The following LTA4H variants were observed in gnomAD, a reference collection of about 807,000 sequenced individuals.
LTA4H encodes leukotriene A-4 hydrolase.
A neutral mutation model predicts 89.8 loss-of-function variants in LTA4H; 59 were observed. That is an observed-to-expected ratio of 0.66 (90% CI 0.53 to 0.82). The LOEUF (loss-of-function observed/expected upper bound fraction) is 0.82, where lower values mean the gene tolerates loss of function less well. Ranked by LOEUF, LTA4H falls within the 40% of genes least tolerant of loss-of-function variation. The pLI, the probability that LTA4H is intolerant of heterozygous loss-of-function variation, is 0.00. For missense variants in LTA4H, 617 were observed against 727.0 expected, an observed-to-expected ratio of 0.85 and a Z score of 1.74; for synonymous variants, 227 against 253.1, an observed-to-expected ratio of 0.90 and a Z score of 0.98.
At chr12:96,023,740 A>G (rs1022662726) in intron 4 of LTA4H, among the ~76,000 whole-genome samples, 1 of 152,220 alleles carries the variant, frequency 6.6e-6, no homozygotes, top group African/African-American at 2.4e-5. Flanking sequence ...TACCAAGGGA[A>G]TAAGTTGGAA....
intron 15 of LTA4H, among the ~76,000 whole-genome samples, chr12:96,007,166 C>T (rs949214765): frequency 1.3e-5 from 2 of 152,134 alleles, no homozygotes; most frequent in Non-Finnish European, 2.9e-5. Flanking sequence ...TATATCCTTC[C>T]ACTAAATTTA....
chr12:96,040,099 G>A (rs1950677164), upstream of LTA4H, among the ~76,000 whole-genome samples: 1 of 152,250 alleles, frequency 6.6e-6, no homozygotes, highest in South Asian at 2.1e-4. Context: ...GGATTTGAAG[G>A]ATGAGCCGAA....
chr12:96,035,960 C>A (rs181939163), upstream of LTA4H, among the ~76,000 whole-genome samples: 2 of 152,062 alleles, frequency 1.3e-5, no homozygotes, highest in Non-Finnish European at 2.9e-5. Flanking sequence ...TTGCATATAG[C>A]GAGGGCGGGG....
chr12:96,035,428 G>A lies in LTA4H; in HGVS notation c.92C>T (p.Thr31Ile). 1.2e-6 allele frequency: 2 copies of A among 1,610,768 alleles called. No homozygotes were observed. The highest frequency in any genetic ancestry group is 2.2e-5 in the East Asian group (1 of 44,702). The stretch of plus-strand genomic sequence containing the variant: ...AGCAGTCCCGGTCAGCGTCCGGCGA[G>A]TAAAGTCGACGCTGCAGCGCAGGTG... ...HLHLRCSVDFTRRTLTGTAAL... is the reference protein window; with the variant it reads ...HLHLRCSVDFIRRTLTGTAAL... The change falls in exon 1 of 19, where the codon ACT becomes ATT. Residue 31 changes from threonine (T) to isoleucine (I), a missense_variant. By Grantham distance (89) the Thr-to-Ile change is moderately conservative. Coordinates refer to ENST00000228740, the MANE Select transcript of LTA4H (RefSeq NM_000895.3).
chr12:96,035,272 T>C, intron 1 of LTA4H, 89 bp downstream of exon 1: 1 of 1,363,270 alleles, frequency 7.3e-7, no homozygotes, highest in Non-Finnish European at 9.9e-7. Flanking sequence ...CGCGGCGGGG[T>C]GAGCCGGAGA....
chr12:96,024,053 C>A (rs915470024), intron 4 of LTA4H, among the ~76,000 whole-genome samples: 16 of 151,928 alleles, frequency 1.1e-4, no homozygotes, highest in African/African-American at 3.9e-4. Flanking sequence ...CCTCAGCCTG[C>A]CGAGTAGCTG....
Position 96,022,545 on chromosome 12 carries a change from T to C in LTA4H, c.481-294A>G, listed in dbSNP as rs543830367. Among the ~76,000 whole-genome samples, 1 of 152,218 alleles carries C rather than the reference T, an allele frequency of 6.6e-6. No individual in the cohort carries two copies. The highest frequency in any genetic ancestry group is 2.1e-4 in the South Asian group (1 of 4,828). On this transcript the variant is annotated intron_variant, in intron 4 of 18. Coordinates refer to ENST00000228740, the MANE Select transcript of LTA4H (RefSeq NM_000895.3). This position sits in a 1 kb window ranked among gnomAD's most constrained non-coding sequence, Gnocchi z 4.0. ...TCAGTTTTGTAAATAAAATTAGCAA[T>C]ATGGGAAACTGGCTTCTTTAAAAGT...
At position 96,019,174 on chromosome 12, in the gene LTA4H, A is replaced by C; in HGVS notation, c.705T>G (p.Phe235Leu). Residue 235 changes from phenylalanine to leucine, a missense_variant, in exon 7 of 19, where the codon TTT becomes TTG. This residue lies in a region of LTA4H where 172 missense variants were observed against 244.5 expected (regional missense o/e 0.70). Coordinates refer to ENST00000228740, the MANE Select transcript of LTA4H (RefSeq NM_000895.3). ...KEQVEKSAYE[F>L]SETESMLKIA... ...GGATAACTAAATGACCAACCTCAGA[A>C]AACTCATAAGCAGACTTTTCCACCT... 6.2e-7 allele frequency: 1 copy of C among 1,611,158 alleles called. No individual in the cohort carries two copies. Among genetic ancestry groups the C allele is most frequent in the Non-Finnish European group, 8.5e-7 (1 of 1,179,232 alleles).
intron 13 of LTA4H, 114 bp downstream of exon 13, chr12:96,013,636 T>C (rs1444024985): frequency 7.9e-6 from 5 of 634,050 alleles, no homozygotes; most frequent in South Asian, 1.9e-5. Flanking sequence ...CAATGAGAGG[T>C]TGAGTCCTAA....
At chr12:96,025,031 T>C (rs1398285466) in intron 3 of LTA4H, among the ~76,000 whole-genome samples, 2 of 152,224 alleles carry the variant, frequency 1.3e-5, no homozygotes, top group Non-Finnish European at 2.9e-5. Flanking sequence ...TTTTCCATTT[T>C]AATCTATGGT....
intron 10 of LTA4H, 28 bp downstream of exon 10, chr12:96,017,016 A>G: frequency 6.7e-7 from 1 of 1,498,196 alleles, no homozygotes. Flanking sequence ...AACATGAACC[A>G]ATAAAGAAAT....
rs1033256316 is a variant in LTA4H at position 96,027,465 on chromosome 12, T to A, written c.390A>T (p.Pro130=). 3.1e-6 allele frequency: 5 copies of A among 1,609,208 alleles called. No individual in the cohort carries two copies. Among genetic ancestry groups the A allele is most frequent in the Non-Finnish European group, 4.2e-6 (5 of 1,178,326 alleles). Reference sequence around the variant, plus strand: ...TTACCTGGCACTGACTAAAGAGATATGGGTGTTCCTTCCCAGAAGTCTGTT... The same window carrying A: ...TTACCTGGCACTGACTAAAGAGATAAGGGTGTTCCTTCCCAGAAGTCTGTT... The part of the protein sequence containing the change: ...TPEQTSGKEH[P]YLFSQCQAIH... Residue 130 remains proline (P), a synonymous_variant, in exon 3 of 19, where the codon CCA becomes CCT. Coordinates refer to ENST00000228740, the MANE Select transcript of LTA4H (RefSeq NM_000895.3).
At chr12:96,033,825 A>G (rs972928304) in intron 1 of LTA4H, among the ~76,000 whole-genome samples, 1 of 152,222 alleles carries the variant, frequency 6.6e-6, no homozygotes, top group Non-Finnish European at 1.5e-5. Context: ...TTGAAACTGC[A>G]TTGAAATAGG....
chr12:96,008,298 T>C (rs1950237493), intron 15 of LTA4H, among the ~76,000 whole-genome samples: 1 of 152,216 alleles, frequency 6.6e-6, no homozygotes, highest in Non-Finnish European at 1.5e-5. Flanking sequence ...CAAGGGCTCA[T>C]CCTTACTTTG....
chr12:96,041,542 T>C (rs1950685640), intron 1 of LTA4H, among the ~76,000 whole-genome samples: 1 of 151,994 alleles, frequency 6.6e-6, no homozygotes, highest in Non-Finnish European at 1.5e-5. Flanking sequence ...ATACATACAC[T>C]TTTTATGTCA....
chr12:96,038,293 A>G (rs1950664917), upstream of LTA4H, among the ~76,000 whole-genome samples: 1 of 152,184 alleles, frequency 6.6e-6, no homozygotes. Flanking sequence ...AAAGGAAAAC[A>G]AAATAAAACC....
intron 1 of LTA4H, 86 bp downstream of exon 1, chr12:96,035,275 G>A (rs1950626263): frequency 2.1e-6 from 3 of 1,399,380 alleles, no homozygotes; most frequent in Non-Finnish European, 2.9e-6. Context: ...GGCGGGGTGA[G>A]CCGGAGATCC....
rs758752506 is a variant in LTA4H at position 96,027,484 on chromosome 12, G to A, written c.371C>T (p.Thr124Ile). ...GAGATATGGGTGTTCCTTCCCAGAAGTCTGTTCAGGAGTGAGCCACTGGAG... is the reference window on the plus strand; with the variant it reads ...GAGATATGGGTGTTCCTTCCCAGAAATCTGTTCAGGAGTGAGCCACTGGAG... ...SALQWLTPEQ[T>I]SGKEHPYLFS... is the part of the protein sequence containing the mutation. Residue 124 changes from threonine to isoleucine, a missense_variant, in exon 3 of 19, where the codon ACT becomes ATT. Transcript: ENST00000228740. 1 of 1,610,434 alleles carries A rather than the reference G, an allele frequency of 6.2e-7. No homozygotes were observed. Among genetic ancestry groups the A allele is most frequent in the Admixed American group, 1.7e-5 (1 of 59,310 alleles).
intron 1 of LTA4H, among the ~76,000 whole-genome samples, chr12:96,040,686 G>C (rs910041596): frequency 6.6e-6 from 1 of 152,214 alleles, no homozygotes; most frequent in African/African-American, 2.4e-5. Flanking sequence ...CCATGAGCTG[G>C]AAATAGCCAG....
Sources: allele counts gnomAD v4.1 joint callset (sites outside exome capture counted in the v4.1 genomes callset), GRCh38; gene constraint gnomAD v4.1.1; regional missense constraint gnomAD v4.1.1; non-coding constraint Gnocchi (gnomAD v3.1); transcripts MANE v1.5; gene names NCBI Gene and HGNC (gene_info 2026-07-23, HGNC 2026-07-21).